Variants in LRCH3 observed in about 807,000 individuals in gnomAD.
LRCH3 encodes leucine rich repeats and calponin homology domain containing 3, also known as DISP complex protein LRCH3.
LRCH3 carries 68 observed loss-of-function variants against 104.5 expected under a neutral mutation model. The ratio of observed to expected loss-of-function variants is 0.65; its 90% CI spans 0.54 to 0.80. LRCH3 has a LOEUF of 0.80. Among genes scored for constraint, LRCH3 ranks in the 30% least tolerant of loss-of-function variants. The probability of loss-of-function intolerance (pLI) is 0.00; values close to 1 mark genes in which losing one functional copy is unlikely to be tolerated. For synonymous variants in LRCH3, 344 were observed against 361.3 expected, an observed-to-expected ratio of 0.95 and a Z score of 0.54; for missense variants, 951 against 953.9, an observed-to-expected ratio of 1.00 and a Z score of 0.04.
intron 1 of LRCH3, among the ~76,000 whole-genome samples, chr3:197,792,679 C>G (rs979716144): frequency 1.5e-5 from 2 of 135,446 alleles, no homozygotes; most frequent in African/African-American, 5.4e-5. Flanking sequence ...GAGACGGTAT[C>G]TCGCTCTTGT....
intron 1 of LRCH3, among the ~76,000 whole-genome samples, chr3:197,796,147 G>A (rs1731191133): frequency 6.6e-6 from 1 of 152,178 alleles, no homozygotes; most frequent in African/African-American, 2.4e-5. Context: ...TAGCTTTAGA[G>A]GTCAGCATTC....
Position 197,871,626 on chromosome 3 carries a change from A to G in LRCH3, c.2130+164A>G, listed in dbSNP as rs1449420236. 325 of 865,662 alleles carry G rather than the reference A, an allele frequency of 3.8e-4. 2 individuals are homozygous for G. The highest frequency in any genetic ancestry group is 3.0e-5 in the Non-Finnish European group (17 of 568,314). The allele number at this position is 865,662 out of a possible 1,614,324, so 53.6% of individuals were successfully genotyped here. On this transcript the variant is annotated intron_variant, in intron 19 of 20. Transcript: ENST00000425562. ...TCTACTCGAGAAGAAATAGACATGT[A>G]TACAGCTACTTACAGCAGTGCGATA... is the stretch of plus-strand genomic sequence containing the variant.
At chr3:197,853,500 T>C (rs1216588650) in intron 13 of LRCH3, among the ~76,000 whole-genome samples, 1 of 152,204 alleles carries the variant, frequency 6.6e-6, no homozygotes, top group East Asian at 1.9e-4. Context: ...CCAGTTTGTT[T>C]TAATTTATGA....
intron 9 of LRCH3, among the ~76,000 whole-genome samples, chr3:197,838,810 G>C (rs1737324753): frequency 6.6e-6 from 1 of 151,968 alleles, no homozygotes; most frequent in East Asian, 1.9e-4. Context: ...GTTTTGTCTT[G>C]ATATTCACCG....
rs113419729 is a variant in LRCH3 at position 197,801,914 on chromosome 3, C to G, written c.262+10374C>G. On this transcript the variant is annotated intron_variant, in intron 1 of 20. Coordinates refer to ENST00000425562, the MANE Select transcript of LRCH3 (RefSeq NM_001365715.1). ...GCTTACAAGTTCATTCGAGTTTTGGCAGAATTCAGTCTTTGTGGTTATAAA... is the reference window on the plus strand; with the variant it reads ...GCTTACAAGTTCATTCGAGTTTTGGGAGAATTCAGTCTTTGTGGTTATAAA... Among the ~76,000 whole-genome samples the G allele has an allele frequency of 5.3e-5, 8 of 152,254 alleles. 1 individual carries two copies. Among genetic ancestry groups the G allele is most frequent in the African/African-American group, 1.9e-4 (8 of 41,552 alleles).
chr3:197,860,148 C>T (rs979605423), intron 15 of LRCH3, among the ~76,000 whole-genome samples: 5 of 152,032 alleles, frequency 3.3e-5, no homozygotes, highest in Non-Finnish European at 5.9e-5. Flanking sequence ...AATACAGATG[C>T]GCACCACCAT....
At chr3:197,873,447 G>T (rs550436304) in intron 19 of LRCH3, among the ~76,000 whole-genome samples, 2 of 152,144 alleles carry the variant, frequency 1.3e-5, no homozygotes, top group African/African-American at 4.8e-5. Flanking sequence ...CTCAAGGAGG[G>T]AGTGTCGTGT....
At chr3:197,835,191 T>G (rs912852607) in intron 8 of LRCH3, among the ~76,000 whole-genome samples, 3 of 152,130 alleles carry the variant, frequency 2.0e-5, no homozygotes, top group Non-Finnish European at 4.4e-5. Flanking sequence ...TTTAATTTTT[T>G]TTTTGTTTTT....
chr3:197,821,334 A>G (rs1413348991), intron 4 of LRCH3, among the ~76,000 whole-genome samples: 1 of 152,214 alleles, frequency 6.6e-6, no homozygotes, highest in Non-Finnish European at 1.5e-5. Flanking sequence ...AAATGATTAA[A>G]CATTAATGAA....
chr3:197,873,649 C>T (rs956048179), intron 19 of LRCH3, among the ~76,000 whole-genome samples: 3 of 152,118 alleles, frequency 2.0e-5, no homozygotes, highest in African/African-American at 7.2e-5. Context: ...CACTTGGGCC[C>T]AGGAGTTTGA....
At chr3:197,797,637 GA>G (rs1272115964) in intron 1 of LRCH3, among the ~76,000 whole-genome samples, 2 of 152,022 alleles carry the variant, frequency 1.3e-5, no homozygotes, top group African/African-American at 4.8e-5. Flanking sequence ...GAGGCAGGTG[GA>G]TCACCTGAGG....
intron 20 of LRCH3, among the ~76,000 whole-genome samples, chr3:197,879,322 GA>G (rs1360514898): frequency 6.6e-6 from 1 of 152,158 alleles, no homozygotes; most frequent in Non-Finnish European, 1.5e-5. Context: ...CCTTCATTTT[GA>G]ACACATTCTC....
chr3:197,809,582 C>CTT (rs1008983445), intron 1 of LRCH3, among the ~76,000 whole-genome samples: 5 of 146,450 alleles, frequency 3.4e-5, no homozygotes, highest in Non-Finnish European at 1.5e-5. Context: ...TCTGTTCAGT[C>CTT]TTTTTTTTTT....
intron 10 of LRCH3, among the ~76,000 whole-genome samples, chr3:197,846,136 C>T (rs933967117): frequency 1.3e-5 from 2 of 151,896 alleles, no homozygotes; most frequent in Non-Finnish European, 2.9e-5. Flanking sequence ...GGCGTGGTGG[C>T]CCACACCCGT....
intron 16 of LRCH3, 80 bp downstream of exon 16, chr3:197,865,551 A>G: frequency 1.1e-6 from 1 of 933,112 alleles, no homozygotes; most frequent in Non-Finnish European, 1.5e-6. Context: ...TAATAAATAG[A>G]GACGAGGCCT....
chr3:197,883,371 A>G lies in LRCH3; in HGVS notation c.2209-170A>G. 1 of 1,397,968 alleles carries G rather than the reference A, an allele frequency of 7.2e-7. No homozygotes were observed. The highest frequency in any genetic ancestry group is 9.3e-7 in the Non-Finnish European group (1 of 1,076,508). The allele number at this position is 1,397,968 out of a possible 1,614,324, so 86.6% of individuals were successfully genotyped here. On this transcript the variant is annotated intron_variant, in intron 20 of 20. Transcript: ENST00000425562. The surrounding 1 kb of genome is among the most constrained non-coding windows in gnomAD (Gnocchi z 4.2). Reference sequence around the variant, plus strand: ...TTAATAAAGTGACAGTGAGTGTCAGACACCATCTCTCTAACTCATATTTAC... The same window carrying G: ...TTAATAAAGTGACAGTGAGTGTCAGGCACCATCTCTCTAACTCATATTTAC...
chr3:197,841,027 G>T (rs927927994), intron 10 of LRCH3, among the ~76,000 whole-genome samples: 2 of 152,160 alleles, frequency 1.3e-5, no homozygotes, highest in Non-Finnish European at 2.9e-5. Flanking sequence ...CTTTCACTCA[G>T]TTACCTTATG....
At chr3:197,840,310 C>T (rs1304328000) in intron 10 of LRCH3, among the ~76,000 whole-genome samples, 6 of 152,084 alleles carry the variant, frequency 3.9e-5, no homozygotes, top group Non-Finnish European at 8.8e-5. Context: ...TGGTGGCACA[C>T]GCCTGTAATT....
At chr3:197,820,595 G>C (rs1734377269) in intron 4 of LRCH3, among the ~76,000 whole-genome samples, 165 bp downstream of exon 4, 1 of 152,206 alleles carries the variant, frequency 6.6e-6, no homozygotes, top group East Asian at 1.9e-4. Context: ...AGGATTGCTT[G>C]AACCCAGGAA....
Sources: allele counts gnomAD v4.1 joint callset (sites outside exome capture counted in the v4.1 genomes callset), GRCh38; gene constraint gnomAD v4.1.1; non-coding constraint Gnocchi (gnomAD v3.1); transcripts MANE v1.5; gene names NCBI Gene and HGNC (gene_info 2026-07-23, HGNC 2026-07-21).